Variants in NAV2 observed in about 807,000 individuals in gnomAD.
NAV2 encodes the protein neuron navigator 2.
A neutral mutation model predicts 223.2 loss-of-function variants in NAV2; 54 were observed. The ratio of observed to expected loss-of-function variants is 0.24; its 90% CI spans 0.19 to 0.30. The LOEUF is 0.30. NAV2 is among the 10% of genes least tolerant of loss of function. The pLI is 1.00. For missense variants in NAV2, 2,806 were observed against 3,147.5 expected (o/e 0.89, Z 2.60); for synonymous variants, 1,279 against 1,239.3 (o/e 1.03, Z -0.67).
chr11:19,498,924 G>T (rs1046550174), intron 1 of NAV2, among the ~76,000 whole-genome samples: 6 of 152,176 alleles, frequency 3.9e-5, no homozygotes, highest in African/African-American at 1.4e-4. Context: ...CCCAAGGTTT[G>T]TCCTCACTGA....
At position 19,564,307 on chromosome 11, in the gene NAV2, C is replaced by T. The variant is rs76139563; in HGVS notation, c.75+213280C>T. Among the ~76,000 whole-genome samples the T allele has an allele frequency of 8.6e-3, 1,304 of 152,304 alleles. 21 individuals are homozygous for T. Among genetic ancestry groups the T allele is most frequent in the African/African-American group, 0.03 (1,238 of 41,566 alleles). ...GATCAGCGTTTCTTCTCGAATTTTCCCCCCACTGTGGACAGGAATATCTGG... is the reference window on the plus strand; with the variant it reads ...GATCAGCGTTTCTTCTCGAATTTTCTCCCCACTGTGGACAGGAATATCTGG... On this transcript the variant is annotated intron_variant, in intron 1 of 37. Coordinates refer to the NAV2 transcript ENST00000360655.
chr11:19,992,817 C>T (rs1257011612), intron 11 of NAV2, among the ~76,000 whole-genome samples: 1 of 152,120 alleles, frequency 6.6e-6, no homozygotes, highest in African/African-American at 2.4e-5. Flanking sequence ...TGGTCTTGAA[C>T]TCCTGATCTC....
chr11:19,787,314 G>C (rs965505416), intron 1 of NAV2, among the ~76,000 whole-genome samples: 8 of 121,520 alleles, frequency 6.6e-5, no homozygotes, highest in African/African-American at 2.6e-4. Context: ...TGGGGTCTCA[G>C]CATGTTGCCA....
intron 1 of NAV2, among the ~76,000 whole-genome samples, chr11:19,752,381 C>A (rs939290333): frequency 1.6e-4 from 24 of 152,190 alleles, no homozygotes; most frequent in African/African-American, 5.8e-4. Flanking sequence ...ATCACTCTTA[C>A]ATACCCATGC....
rs572326806 is a variant in NAV2, at chr11:19,835,694, T to C, written c.385+3093T>C. On this transcript the variant is annotated intron_variant, in intron 2 of 37. Coordinates refer to ENST00000349880, the MANE Select transcript of NAV2 (RefSeq NM_145117.5). ...TTTAATATACACATATGTATGTATA[T>C]ATAGATATCCATATATCTATATATA... Among the ~76,000 whole-genome samples the C allele has an allele frequency of 3.9e-5, 6 of 152,188 alleles. No individual in the cohort carries two copies. In the South Asian group the frequency reaches 1.2e-3, roughly 32 times the overall value.
chr11:19,834,336 C>T (rs181990485), intron 2 of NAV2, among the ~76,000 whole-genome samples: 15 of 152,294 alleles, frequency 9.8e-5, no homozygotes, highest in South Asian at 2.1e-4. Flanking sequence ...GACTAGTCTC[C>T]ATGGGAATTC....
At position 20,054,107 on chromosome 11, in the gene NAV2, G is replaced by T. The variant is rs1384153715; in HGVS notation, c.4509G>T (p.Thr1503=). The change falls in exon 18 of 38, where the codon ACG becomes ACT. Residue 1503 remains threonine (T), a synonymous_variant. Coordinates refer to ENST00000349880, the MANE Select transcript of NAV2 (RefSeq NM_145117.5). ...LRYTPTSQLR[T]QEDAKEWLRS... ...ATACTCCCACCTCCCAGCTTCGCAC[G>T]CAAGAAGATGCAAAAGAATGGTTAC... is the stretch of plus-strand genomic sequence containing the variant. 1 of 1,611,814 alleles carries T rather than the reference G, an allele frequency of 6.2e-7. No individual in the cohort carries two copies. Among genetic ancestry groups the T allele is most frequent in the Non-Finnish European group, 8.5e-7 (1 of 1,179,556 alleles).
In NAV2 at chr11:19,666,019, C is replaced by T. The variant is rs141819914; in HGVS notation, c.76-166465C>T. On this transcript the variant is annotated intron_variant, in intron 1 of 37. Transcript: ENST00000360655. Reference sequence around the variant, plus strand: ...TCCATCCAGGCAATTGGACCTTTCACGTTATTAGTCTCATATCACCCACAT... The same window carrying T: ...TCCATCCAGGCAATTGGACCTTTCATGTTATTAGTCTCATATCACCCACAT... Among the ~76,000 whole-genome samples the T allele has an allele frequency of 3.0e-3, 455 of 152,258 alleles. 2 individuals carry two copies. The highest frequency in any genetic ancestry group is 0.01 in the African/African-American group (425 of 41,540).
intron 1 of NAV2, among the ~76,000 whole-genome samples, chr11:19,790,268 G>A (rs2057426852): frequency 6.6e-6 from 1 of 152,210 alleles, no homozygotes; most frequent in Non-Finnish European, 1.5e-5. Context: ...TATACTGTTA[G>A]AACTGCAAGT....
intron 1 of NAV2, among the ~76,000 whole-genome samples, chr11:19,671,086 A>G (rs2048561630): frequency 6.6e-6 from 1 of 152,182 alleles, no homozygotes; most frequent in Non-Finnish European, 1.5e-5. Flanking sequence ...TTGGGCTGAC[A>G]GGCATTTTGA....
At chr11:19,622,908 G>T (rs1052773473) in intron 1 of NAV2, among the ~76,000 whole-genome samples, 2 of 152,130 alleles carry the variant, frequency 1.3e-5, no homozygotes, top group Admixed American at 6.5e-5. Context: ...GGTACCGGTT[G>T]TTCCTTTCCA....
intron 29 of NAV2, among the ~76,000 whole-genome samples, chr11:20,093,703 C>T (rs990947172): frequency 4.6e-5 from 7 of 152,216 alleles, no homozygotes; most frequent in Non-Finnish European, 8.8e-5. Flanking sequence ...GCTAGTGGGG[C>T]GTCCTGACTC....
At chr11:19,833,042 A>G (rs998037913) in intron 2 of NAV2, among the ~76,000 whole-genome samples, 6 of 152,046 alleles carry the variant, frequency 3.9e-5, no homozygotes, top group African/African-American at 1.2e-4. Context: ...AAAGGCTAAG[A>G]CTCCAGAGAG....
intron 1 of NAV2, among the ~76,000 whole-genome samples, chr11:19,584,681 G>A (rs1176428171): frequency 6.6e-5 from 10 of 152,192 alleles, no homozygotes; most frequent in African/African-American, 2.4e-4. Flanking sequence ...CCATGTAGTT[G>A]AGCAGTTTTG....
chr11:19,571,161 T>C (rs928790476), intron 1 of NAV2, among the ~76,000 whole-genome samples: 3 of 152,194 alleles, frequency 2.0e-5, no homozygotes, highest in African/African-American at 2.4e-5. Context: ...GAAAACATTA[T>C]GTTAAGTGAA....
At chr11:19,643,157 CT>C (rs2047713020) in intron 1 of NAV2, among the ~76,000 whole-genome samples, 1 of 151,936 alleles carries the variant, frequency 6.6e-6, no homozygotes. Context: ...TGTATTTGCT[CT>C]TCTTTTTTAA....
chr11:19,951,587 G>T (rs1288606504), intron 10 of NAV2, among the ~76,000 whole-genome samples: 6 of 127,140 alleles, frequency 4.7e-5, no homozygotes, highest in African/African-American at 1.8e-4. Context: ...TGTAATAGTT[G>T]ATTTTATTGT....
Position 19,713,639 on chromosome 11 carries a change from G to T in NAV2, c.-57G>T, listed in dbSNP as rs1445614008. 1 of 1,494,866 alleles carries T rather than the reference G, an allele frequency of 6.7e-7. No homozygotes were observed. The highest frequency in any genetic ancestry group is 2.4e-5 in the East Asian group (1 of 42,272). The allele number at this position is 1,494,866 out of a possible 1,614,324, so 92.6% of individuals were successfully genotyped here. A position where few individuals can be genotyped will look rare whatever the true frequency, so the allele number is the denominator to read the frequency against. The stretch of plus-strand genomic sequence containing the variant: ...TCTGCTACCCGCGCTGCCTTTAGCG[G>T]TCGCCCCCGCCGCCGCTGCCAGGGA... On this transcript the variant is annotated 5_prime_UTR_variant, in exon 1 of 38. Coordinates refer to ENST00000349880, the MANE Select transcript of NAV2 (RefSeq NM_145117.5). The surrounding 1 kb of genome is among the most constrained non-coding windows in gnomAD (Gnocchi z 7.2).
chr11:19,628,149 C>A (rs1488913003), intron 1 of NAV2, among the ~76,000 whole-genome samples: 1 of 152,112 alleles, frequency 6.6e-6, no homozygotes, highest in Non-Finnish European at 1.5e-5. Flanking sequence ...GGTTTGGCTC[C>A]CTGGATGCTC....
Sources: gnomAD v4.1 joint callset for allele counts (sites outside exome capture counted in the v4.1 genomes callset) on GRCh38, gnomAD v4.1.1 for gene constraint, Gnocchi (gnomAD v3.1) non-coding constraint, MANE v1.5 for transcripts, NCBI Gene and HGNC (gene_info 2026-07-23, HGNC 2026-07-21) for gene names.